Variants in CDK13 observed in about 807,000 individuals in gnomAD.
CDK13 encodes the protein cyclin-dependent kinase 13.
Under a neutral mutation model 137.6 loss-of-function variants are expected in CDK13, and 40 were observed. The ratio of observed to expected loss-of-function variants is 0.29; its 90% CI spans 0.23 to 0.38. The LOEUF (loss-of-function observed/expected upper bound fraction) is 0.38, where lower values mean the gene tolerates loss of function less well. Among genes scored for constraint, CDK13 ranks in the 10% least tolerant of loss-of-function variants. The pLI is 1.00. For synonymous variants in CDK13, 869 were observed against 760.1 expected (o/e 1.14, Z -2.36); for missense variants, 1,704 against 1,951.8 (o/e 0.87, Z 2.39).
chr7:39,992,170 G>GTC (rs1247784099), intron 2 of CDK13, among the ~76,000 whole-genome samples: 1 of 71,602 alleles, frequency 1.4e-5, no homozygotes. Context: ...GAGGGTGTGT[G>GTC]TGTGTGTGTG....
At chr7:39,960,090 T>C (rs62805560) in intron 1 of CDK13, among the ~76,000 whole-genome samples, 2 of 143,978 alleles carry the variant, frequency 1.4e-5, no homozygotes, top group Non-Finnish European at 3.0e-5. Flanking sequence ...TTTTTTTTTT[T>C]CCAGTGGTCT....
At chr7:39,960,493 G>A (rs1487308193) in intron 1 of CDK13, among the ~76,000 whole-genome samples, 1 of 151,826 alleles carries the variant, frequency 6.6e-6, no homozygotes, top group African/African-American at 2.4e-5. Context: ...TCCTGACCTC[G>A]TGATCCGCCC....
intron 1 of CDK13, among the ~76,000 whole-genome samples, chr7:39,964,263 T>G (rs1232181572): frequency 6.6e-6 from 1 of 152,202 alleles, no homozygotes; most frequent in Non-Finnish European, 1.5e-5. Context: ...CTTTTTTTGG[T>G]TGGTAAGCTA....
At chr7:39,965,374 G>A (rs1310534864) in intron 1 of CDK13, among the ~76,000 whole-genome samples, 1 of 152,044 alleles carries the variant, frequency 6.6e-6, no homozygotes, top group Non-Finnish European at 1.5e-5. Flanking sequence ...TTATGTAATG[G>A]CCTTCTTTGT....
intron 7 of CDK13, among the ~76,000 whole-genome samples, chr7:40,060,618 T>C (rs150585798): frequency 1.0e-3 from 154 of 152,220 alleles, no homozygotes; most frequent in African/African-American, 3.4e-3. Context: ...AAATACAAAA[T>C]AGGGAGTTAA....
At chr7:40,020,078 T>C (rs1269605908) in intron 5 of CDK13, among the ~76,000 whole-genome samples, 2 of 151,970 alleles carry the variant, frequency 1.3e-5, no homozygotes, top group Non-Finnish European at 2.9e-5. Context: ...CTTTATTTTA[T>C]TTTTTTTGAG....
intron 5 of CDK13, among the ~76,000 whole-genome samples, chr7:40,040,764 A>C (rs1296080145): frequency 2.0e-5 from 3 of 152,036 alleles, no homozygotes; most frequent in African/African-American, 7.2e-5. Context: ...TTATATTTTA[A>C]CTGGTGGTTG....
intron 1 of CDK13, among the ~76,000 whole-genome samples, chr7:39,956,107 C>A (rs543883883): frequency 3.3e-4 from 50 of 151,432 alleles, no homozygotes; most frequent in South Asian, 2.1e-3. Flanking sequence ...GAAAAAAAAA[C>A]TCAAAAAATA....
chr7:39,957,310 C>CAAAAGTTAGTTTTTTTA (rs749548338), intron 1 of CDK13, among the ~76,000 whole-genome samples: 1 of 151,634 alleles, frequency 6.6e-6, no homozygotes. Flanking sequence ...GTTTTTTTTC[C>CAAAAGTTAGTTTTTTTA]TGTGCCCCCA....
Position 39,951,791 on chromosome 7 carries a change from C to G in CDK13, c.1150C>G (p.Pro384Ala), listed in dbSNP as rs371705772. 6.1e-6 allele frequency: 9 copies of G among 1,467,576 alleles called. No individual in the cohort carries two copies. The highest frequency in any genetic ancestry group is 1.5e-5 in the African/African-American group (1 of 68,326). The allele number at this position is 1,467,576 out of a possible 1,614,324, so 90.9% of individuals were successfully genotyped here. ...SSYERGGDVS[P>A]SPYSSSSWRR... ...CTACGAGCGGGGCGGCGACGTGTCC[C>G]CTAGTCCCTACAGCAGCAGCAGCTG... The change falls in exon 1 of 14, where the codon CCT (proline) becomes GCT (alanine). Residue 384 changes from proline to alanine, a missense_variant. Physicochemically the swap from Pro to Ala is conservative, Grantham distance 27. This residue lies in a region of CDK13 where 1,051 missense variants were observed against 931.0 expected (regional missense o/e 1.13). Coordinates refer to ENST00000181839, the MANE Select transcript of CDK13 (RefSeq NM_003718.5).
At chr7:40,061,806 T>C (rs1786154919) in intron 7 of CDK13, 1 of 152,244 alleles carries the variant, frequency 6.6e-6, no homozygotes, top group African/African-American at 2.4e-5. Flanking sequence ...TTGAACACTT[T>C]ACATTGCCAG....
At chr7:40,030,566 A>G (rs534938234) in intron 5 of CDK13, among the ~76,000 whole-genome samples, 36 of 151,102 alleles carry the variant, frequency 2.4e-4, no homozygotes, top group Non-Finnish European at 4.0e-4. Context: ...ATGCCTGGCT[A>G]ATTTGTATTT....
At chr7:40,000,536 C>CT (rs1784661011) in intron 4 of CDK13, among the ~76,000 whole-genome samples, 1 of 152,104 alleles carries the variant, frequency 6.6e-6, no homozygotes, top group South Asian at 2.1e-4. Context: ...GAACGAGACT[C>CT]TGTCTCAAAG....
At chr7:40,052,067 A>T (rs1175142082) in intron 7 of CDK13, among the ~76,000 whole-genome samples, 1 of 152,158 alleles carries the variant, frequency 6.6e-6, no homozygotes, top group Admixed American at 6.6e-5. Context: ...TTTCAAAAGG[A>T]TGGAGTATCT....
Position 40,019,679 on chromosome 7 carries a change from A to C in CDK13, c.2353+17648A>C, listed in dbSNP as rs551764007. Among the ~76,000 whole-genome samples the C allele has an allele frequency of 1.1e-4, 16 of 152,340 alleles. 1 individual carries two copies. In the South Asian group the frequency reaches 2.7e-3, roughly 26 times the overall value. On this transcript the variant is annotated intron_variant, in intron 5 of 13. Transcript: ENST00000181839. ...CATGTAGGCTGGTTTTGACCAAGCA[A>C]CTGGGCACTATAGCCTAGCCAAGTT... is the stretch of plus-strand genomic sequence containing the variant.
intron 4 of CDK13, among the ~76,000 whole-genome samples, 157 bp from the exon 5 acceptor site, chr7:40,001,704 C>G (rs970886656): frequency 1.3e-5 from 2 of 152,056 alleles, no homozygotes; most frequent in Non-Finnish European, 2.9e-5. Flanking sequence ...ATTTTTTGAA[C>G]TATAAATATT....
At chr7:40,019,855 T>A (rs969664130) in intron 5 of CDK13, among the ~76,000 whole-genome samples, 1 of 152,148 alleles carries the variant, frequency 6.6e-6, no homozygotes, top group Non-Finnish European at 1.5e-5. Context: ...TTGGTTGATT[T>A]AGTGGCATAA....
In CDK13 at chr7:40,085,205, AC is replaced by A. The variant is rs376254065; in HGVS notation, c.3030-2920del. On this transcript the variant is annotated intron_variant, in intron 11 of 13. Transcript: ENST00000181839. ...GGGAAACCCCGTCTCTACTAAAAAT[AC>A]GAAAATTAGCCAGGCATGGTGGCAT... Among the ~76,000 whole-genome samples the A allele has an allele frequency of 3.9e-4, 60 of 152,216 alleles. 1 individual carries two copies. In the South Asian group the frequency reaches 0.012, roughly 31 times the overall value.
chr7:40,064,284 CAAAA>C (rs1388646828), intron 9 of CDK13, among the ~76,000 whole-genome samples: 4 of 59,762 alleles, frequency 6.7e-5, no homozygotes, highest in South Asian at 6.9e-4. Context: ...AATTATGTCT[CAAAA>C]AAAAAAAAAA....
Sources: allele counts gnomAD v4.1 joint callset (sites outside exome capture counted in the v4.1 genomes callset), GRCh38; gene constraint gnomAD v4.1.1; regional missense constraint gnomAD v4.1.1; transcripts MANE v1.5; gene names NCBI Gene and HGNC (gene_info 2026-07-23, HGNC 2026-07-21).